Variants in P4HA3 observed in about 807,000 individuals in gnomAD.
P4HA3 encodes prolyl 4-hydroxylase subunit alpha 3.
P4HA3 carries 60 observed loss-of-function variants against 66.7 expected under a neutral mutation model. The observed-to-expected ratio is 0.90, with a 90% CI of 0.73 to 1.12. The LOEUF (loss-of-function observed/expected upper bound fraction) is 1.12. P4HA3 is among the 50% of genes most tolerant of loss of function. The pLI is 0.00. For synonymous variants in P4HA3, 263 were observed against 274.6 expected, an observed-to-expected ratio of 0.96 and a Z score of 0.42; for missense variants, 683 against 685.8, an observed-to-expected ratio of 1.00 and a Z score of 0.05.
At chr11:74,267,350 G>A in intron 12 of P4HA3, 32 bp from the exon 13 acceptor site, 1 of 1,611,890 alleles carries the variant, frequency 6.2e-7, no homozygotes, top group Non-Finnish European at 8.5e-7. Context: ...GGAGACAGCA[G>A]GCTCAGCAGA....
chr11:74,255,871 CT>C, intron 15 of P4HA3: 1 of 491,932 alleles, frequency 2.0e-6, no homozygotes, highest in Non-Finnish European at 4.1e-6. Flanking sequence ...CATGAGCTCC[CT>C]AGTAGAGGAG....
chr11:74,258,670 G>T (rs539480335), intron 15 of P4HA3, among the ~76,000 whole-genome samples: 8 of 152,128 alleles, frequency 5.3e-5, no homozygotes, highest in Non-Finnish European at 8.8e-5. Flanking sequence ...AGGAGAGGAG[G>T]GGTGGGGCAG....
intron 4 of P4HA3, 41 bp from the exon 5 acceptor site, chr11:74,289,171 C>T: frequency 7.0e-7 from 1 of 1,432,714 alleles, no homozygotes; most frequent in South Asian, 1.3e-5. Context: ...ATTAACTTCA[C>T]TGAGGATATC....
Position 74,288,942 on chromosome 11 carries a change from C to T in P4HA3, c.769+137G>A, listed in dbSNP as rs1485014174. 10 of 510,872 alleles carry T rather than the reference C, an allele frequency of 2.0e-5. No homozygotes were observed. The African/African-American group carries it at 2.0e-4, about 10-fold the overall frequency. The allele number at this position is 510,872 out of a possible 1,614,324, so 31.6% of individuals were successfully genotyped here. A position where few individuals can be genotyped will look rare whatever the true frequency, so the allele number is the denominator to read the frequency against. Reference sequence around the variant, plus strand: ...CCAGCCTGGGTGACAGAGGGAGATGCCATCTCAAAAAAAAAAAAAAAAAAG... The same window carrying T: ...CCAGCCTGGGTGACAGAGGGAGATGTCATCTCAAAAAAAAAAAAAAAAAAG... On this transcript the variant is annotated intron_variant, in intron 5 of 12. Transcript: ENST00000331597.
At chr11:74,294,858 C>A (rs546238) in intron 4 of P4HA3, among the ~76,000 whole-genome samples, 6,048 of 152,278 alleles carry the variant, frequency 0.04, 128 homozygotes, top group Middle Eastern at 0.11. Context: ...TGCCCCTACT[C>A]GGGGGTGCCT....
chr11:74,272,626 G>A (rs1860244669), intron 10 of P4HA3, among the ~76,000 whole-genome samples: 1 of 152,212 alleles, frequency 6.6e-6, no homozygotes, highest in Non-Finnish European at 1.5e-5. Flanking sequence ...TACACAGAAT[G>A]CTGGCCTCTG....
downstream of P4HA3, among the ~76,000 whole-genome samples, chr11:74,264,508 G>A (rs1859958832): frequency 1.3e-5 from 2 of 152,052 alleles, no homozygotes; most frequent in South Asian, 2.1e-4. Context: ...GTCTCCACTC[G>A]TGGCCACATG....
In P4HA3 at chr11:74,302,558, G is replaced by T; in HGVS notation, c.378C>A (p.Asp126Glu). The T allele has an allele frequency of 6.2e-7, 1 of 1,614,198 alleles. No homozygotes were observed. Among genetic ancestry groups the T allele is most frequent in the Non-Finnish European group, 8.5e-7 (1 of 1,180,036 alleles). The change falls in exon 3 of 13, where the codon GAC (aspartate) becomes GAA (glutamate). Residue 126 changes from aspartate (D) to glutamate (E), a missense_variant. Physicochemically the swap from Asp to Glu is conservative, Grantham distance 45. Coordinates refer to ENST00000331597, the MANE Select transcript of P4HA3 (RefSeq NM_182904.5). ...LKDGYEKVEQ[D>E]LPAFEDLEGA... ...CCTCAAGGTCCTCAAAGGCTGGAAG[G>T]TCTTGCTCCACCTTCTCATAGCCAT...
chr11:74,297,092 C>T (rs1378980882), intron 4 of P4HA3, among the ~76,000 whole-genome samples: 2 of 151,986 alleles, frequency 1.3e-5, no homozygotes, highest in Admixed American at 6.6e-5. Context: ...CCACCACACC[C>T]GGTTAATTTT....
intron 14 of P4HA3, among the ~76,000 whole-genome samples, chr11:74,260,721 G>C (rs1591080701): frequency 6.6e-6 from 1 of 152,182 alleles, no homozygotes; most frequent in East Asian, 1.9e-4. Flanking sequence ...ACCATTAAAA[G>C]TAATGGCAAA....
chr11:74,289,123 T>C lies in P4HA3; in HGVS notation c.725A>G (p.Asn242Ser). 6.3e-7 allele frequency: 1 copy of C among 1,578,478 alleles called. No homozygotes were observed. ...AGAGAGGCTGAGGGCACACGAAACATTTCCTGCCTGTTAAAAAAAAAAAAA... is the reference window on the plus strand; with the variant it reads ...AGAGAGGCTGAGGGCACACGAAACACTTCCTGCCTGTTAAAAAAAAAAAAA... The part of the protein sequence containing the change: ...HLAFAYFRAG[N>S]VSCALSLSRE... The change falls in exon 5 of 13, where the codon AAT (asparagine) becomes AGT (serine). Residue 242 changes from asparagine (N) to serine (S), a missense_variant. By Grantham distance (46) the Asn-to-Ser change is conservative. Coordinates refer to ENST00000331597, the MANE Select transcript of P4HA3 (RefSeq NM_182904.5).
intron 15 of P4HA3, chr11:74,251,339 C>A: frequency 7.4e-7 from 1 of 1,357,584 alleles, no homozygotes. Flanking sequence ...GCTCCCTAAA[C>A]CACAGGCACA....
In P4HA3 at chr11:74,286,444, C is replaced by T. The variant is rs543992738; in HGVS notation, c.770-53G>A. 8.9e-6 allele frequency: 13 copies of T among 1,456,290 alleles called. No homozygotes were observed. The Admixed American group carries it at 9.9e-5, about 11-fold the overall frequency. The allele number at this position is 1,456,290 out of a possible 1,614,324, so 90.2% of individuals were successfully genotyped here. On this transcript the variant is annotated intron_variant, in intron 5 of 12. Transcript: ENST00000331597. ...AAATAGGGATTAACAAATACTGGCC[C>T]CAGGGAGTGCCACCAAGGTTTCCTC...
chr11:74,262,050 A>G (rs773474733), downstream of P4HA3, among the ~76,000 whole-genome samples: 6 of 152,152 alleles, frequency 3.9e-5, no homozygotes, highest in Non-Finnish European at 7.4e-5. Context: ...AACAGGAGAC[A>G]TGGTGGTCAT....
intron 4 of P4HA3, among the ~76,000 whole-genome samples, chr11:74,289,536 C>G (rs578192868): frequency 6.6e-6 from 1 of 151,866 alleles, no homozygotes; most frequent in South Asian, 2.1e-4. Context: ...TGTTGGTGTG[C>G]TGCACCCATT....
At chr11:74,257,014 C>A (rs573859757) in intron 15 of P4HA3, among the ~76,000 whole-genome samples, 2 of 152,290 alleles carry the variant, frequency 1.3e-5, no homozygotes, top group Admixed American at 1.3e-4. Context: ...AAAATGAACT[C>A]ATTGTCTAGA....
intron 15 of P4HA3, among the ~76,000 whole-genome samples, chr11:74,252,103 C>CTTTT (rs60650207): frequency 8.5e-5 from 10 of 117,014 alleles, no homozygotes; most frequent in Non-Finnish European, 1.6e-4. Flanking sequence ...TGGAGCAGGG[C>CTTTT]TTTTTTTTTT....
chr11:74,255,930 G>A (rs772430640), intron 15 of P4HA3: 3 of 516,620 alleles, frequency 5.8e-6, no homozygotes, highest in East Asian at 5.5e-5. Context: ...AACACTTTGC[G>A]GGTGCCTTTG....
At chr11:74,274,314 T>G (rs1442608080) in intron 9 of P4HA3, among the ~76,000 whole-genome samples, 1 of 151,108 alleles carries the variant, frequency 6.6e-6, no homozygotes, top group African/African-American at 2.4e-5. Flanking sequence ...GTTTTTTTTT[T>G]TTTGTTTTTG....
Sources: gnomAD v4.1 joint callset for allele counts (sites outside exome capture counted in the v4.1 genomes callset) on GRCh38, gnomAD v4.1.1 for gene constraint, MANE v1.5 for transcripts, NCBI Gene and HGNC (gene_info 2026-07-23, HGNC 2026-07-21) for gene names.